IGSF21: variants seen among roughly 807,000 people sequenced by gnomAD.
IGSF21 encodes the protein immunoglobin superfamily member 21, also known as immunoglobulin superfamily member 21.
IGSF21 carries 28 observed loss-of-function variants against 46.8 expected under a neutral mutation model. That is an observed-to-expected ratio of 0.60 (90% confidence interval 0.44 to 0.82). The LOEUF (loss-of-function observed/expected upper bound fraction) is 0.82. IGSF21 is among the 40% of genes least tolerant of loss of function. The probability of loss-of-function intolerance (pLI) is 0.00; values close to 1 mark genes in which losing one functional copy is unlikely to be tolerated. For synonymous variants in IGSF21, 284 were observed against 273.6 expected (o/e 1.04, Z -0.38); for missense variants, 624 against 665.5 (o/e 0.94, Z 0.69).
intron 2 of IGSF21, among the ~76,000 whole-genome samples, chr1:18,284,090 G>A (rs1424135688): frequency 1.3e-5 from 2 of 152,116 alleles, no homozygotes; most frequent in Non-Finnish European, 2.9e-5. Context: ...TTTGTTTACA[G>A]CCATACTCCC....
intron 1 of IGSF21, among the ~76,000 whole-genome samples, chr1:18,166,009 A>G (rs2124451251): frequency 6.6e-6 from 1 of 151,708 alleles, no homozygotes; most frequent in Non-Finnish European, 1.5e-5. Context: ...TCAGGTTATA[A>G]ACGACCCTGT....
intron 2 of IGSF21, among the ~76,000 whole-genome samples, chr1:18,236,392 A>G (rs1164655244): frequency 1.3e-5 from 2 of 152,170 alleles, no homozygotes; most frequent in Non-Finnish European, 2.9e-5. Context: ...AGTTCATTAA[A>G]CTGTCCTTTT....
Position 18,123,551 on chromosome 1 carries a change from A to G in IGSF21, c.70+15353A>G, listed in dbSNP as rs2355730. Among the ~76,000 whole-genome samples the G allele has an allele frequency of 4.6e-4, 70 of 152,362 alleles. 1 individual carries two copies. The highest frequency in any genetic ancestry group is 3.7e-3 in the Admixed American group (56 of 15,306). On this transcript the variant is annotated intron_variant, in intron 1 of 9. Transcript: ENST00000251296. ...TAATATTGGAAATTCTAAGGTTGAC[A>G]TAGGTACCAAGTCCTAGGGAGAGTG...
intron 5 of IGSF21, 84 bp downstream of exon 5, chr1:18,362,314 T>C (rs1399283214): frequency 5.1e-6 from 5 of 976,324 alleles, no homozygotes; most frequent in Non-Finnish European, 6.3e-6. Context: ...GTGTCGCCAC[T>C]GTGCCTGGAA....
chr1:18,181,599 T>C (rs1417167057), intron 1 of IGSF21, among the ~76,000 whole-genome samples: 1 of 152,182 alleles, frequency 6.6e-6, no homozygotes, highest in East Asian at 1.9e-4. Context: ...AGCCATGCCC[T>C]GGAAAGACAC....
intron 3 of IGSF21, among the ~76,000 whole-genome samples, chr1:18,313,716 C>T (rs2085513243): frequency 6.6e-6 from 1 of 152,158 alleles, no homozygotes; most frequent in Admixed American, 6.5e-5. Context: ...TCCCATTTTA[C>T]AGATGAGAAA....
intron 2 of IGSF21, among the ~76,000 whole-genome samples, chr1:18,285,357 A>G (rs922759416): frequency 1.3e-5 from 2 of 152,052 alleles, no homozygotes; most frequent in African/African-American, 4.8e-5. Context: ...TCTACTTGAA[A>G]AGCAACCTGG....
At chr1:18,263,280 G>A (rs2084962904) in intron 2 of IGSF21, among the ~76,000 whole-genome samples, 1 of 152,148 alleles carries the variant, frequency 6.6e-6, no homozygotes, top group African/African-American at 2.4e-5. Context: ...CTGCCTGGGA[G>A]CCATTTGGCT....
intron 3 of IGSF21, among the ~76,000 whole-genome samples, chr1:18,303,629 C>A (rs1244712334): frequency 6.6e-6 from 1 of 152,208 alleles, no homozygotes; most frequent in Non-Finnish European, 1.5e-5. Flanking sequence ...TCAAGCACCT[C>A]AAGTAAGGGC....
chr1:18,133,328 C>T (rs1398283850), intron 1 of IGSF21, among the ~76,000 whole-genome samples: 4 of 152,230 alleles, frequency 2.6e-5, no homozygotes, highest in South Asian at 2.1e-4. Flanking sequence ...CCCCATGTCA[C>T]GGCTTCCCTG....
At chr1:18,293,175 CA>C (rs2085283782) in intron 3 of IGSF21, among the ~76,000 whole-genome samples, 1 of 152,224 alleles carries the variant, frequency 6.6e-6, no homozygotes, top group South Asian at 2.1e-4. Context: ...GGACAAGGCA[CA>C]TGCTCCTCCT....
At chr1:18,309,415 C>T (rs899088107) in intron 3 of IGSF21, among the ~76,000 whole-genome samples, 2 of 152,148 alleles carry the variant, frequency 1.3e-5, no homozygotes, top group Admixed American at 6.5e-5. Context: ...GCATCAAAAG[C>T]TTCAATGCCC....
At position 18,108,160 on chromosome 1, in the gene IGSF21, T is replaced by C; in HGVS notation, c.32T>C (p.Val11Ala). The change falls in exon 1 of 10, where the codon GTC becomes GCC. Residue 11 changes from valine (V) to alanine (A), a missense_variant. Val to Ala is a moderately conservative substitution (Grantham distance 64). Transcript: ENST00000251296. MRTAPSLRRCVCLLLAAILDL... is the reference protein window; with the variant it reads MRTAPSLRRCACLLLAAILDL... ...ACCGCCCCGAGCCTCCGCCGCTGCGTCTGCCTGCTGCTCGCCGCGATCCTG... is the reference window on the plus strand; with the variant it reads ...ACCGCCCCGAGCCTCCGCCGCTGCGCCTGCCTGCTGCTCGCCGCGATCCTG... 2 of 1,446,848 alleles carry C rather than the reference T, an allele frequency of 1.4e-6. No homozygotes were observed. Among genetic ancestry groups the C allele is most frequent in the Non-Finnish European group, 1.8e-6 (2 of 1,102,862 alleles). The allele number at this position is 1,446,848 out of a possible 1,614,324, so 89.6% of individuals were successfully genotyped here.
At chr1:18,315,010 TTGA>T (rs1345382847) in intron 3 of IGSF21, among the ~76,000 whole-genome samples, 2 of 151,802 alleles carry the variant, frequency 1.3e-5, no homozygotes, top group Non-Finnish European at 1.5e-5. Context: ...TGAGTTGGGG[TTGA>T]TAAGAGGACA....
chr1:18,181,264 T>C (rs562677188), intron 1 of IGSF21, among the ~76,000 whole-genome samples: 1 of 152,330 alleles, frequency 6.6e-6, no homozygotes, highest in South Asian at 2.1e-4. Flanking sequence ...TGTGAGCACA[T>C]AGCTCTGCCG....
intron 1 of IGSF21, among the ~76,000 whole-genome samples, chr1:18,125,388 C>T (rs1391805781): frequency 1.3e-5 from 2 of 152,200 alleles, no homozygotes; most frequent in African/African-American, 2.4e-5. Context: ...GGTCCTGGTG[C>T]AGGGCAGGTA....
chr1:18,127,744 C>A (rs547337981), intron 1 of IGSF21, among the ~76,000 whole-genome samples: 2 of 152,112 alleles, frequency 1.3e-5, no homozygotes, highest in African/African-American at 4.8e-5. Context: ...CTCTACCAAA[C>A]AAATAAAGAA....
chr1:18,209,261 A>T (rs973840237), intron 1 of IGSF21, among the ~76,000 whole-genome samples: 1 of 152,226 alleles, frequency 6.6e-6, no homozygotes, highest in Non-Finnish European at 1.5e-5. Context: ...GGAGATAGGC[A>T]TTATGATTCC....
In IGSF21 at chr1:18,192,593, G is replaced by C. The variant is rs549535868; in HGVS notation, c.71-35305G>C. 4.6e-5 allele frequency among the ~76,000 whole-genome samples: 7 copies of C among 152,298 alleles called. No individual in the cohort carries two copies. In the South Asian group the frequency reaches 1.2e-3, roughly 27 times the overall value. On this transcript the variant is annotated intron_variant, in intron 1 of 9. Coordinates refer to ENST00000251296, the MANE Select transcript of IGSF21 (RefSeq NM_032880.5). ...CAGCTGGGCATACTGGGGACCACAA[G>C]GTTCAGCATATGCACCGGGATCCTA... is the stretch of plus-strand genomic sequence containing the variant.
Sources: gnomAD v4.1 joint callset for allele counts (sites outside exome capture counted in the v4.1 genomes callset) on GRCh38, gnomAD v4.1.1 for gene constraint, MANE v1.5 for transcripts, NCBI Gene and HGNC (gene_info 2026-07-23, HGNC 2026-07-21) for gene names.